The following ERBB4 variants were observed in gnomAD, a reference collection of about 807,000 sequenced individuals.
ERBB4 encodes the protein receptor tyrosine-protein kinase erbB-4.
A neutral mutation model predicts 158.0 loss-of-function variants in ERBB4; 42 were observed. The ratio of observed to expected loss-of-function variants is 0.27; its 90% CI spans 0.21 to 0.34. ERBB4 has a LOEUF of 0.34. Among genes scored for constraint, ERBB4 ranks in the 10% least tolerant of loss-of-function variants. The pLI is 1.00. For synonymous variants in ERBB4, 583 were observed against 558.7 expected, an observed-to-expected ratio of 1.04 and a Z score of -0.61; for missense variants, 1,333 against 1,624.1, an observed-to-expected ratio of 0.82 and a Z score of 3.08.
intron 2 of ERBB4, among the ~76,000 whole-genome samples, chr2:212,080,899 A>C (rs1373527946): frequency 6.6e-6 from 1 of 152,128 alleles, no homozygotes; most frequent in African/African-American, 2.4e-5. Context: ...TAAATCGAAT[A>C]TTATTTCTGG....
intron 3 of ERBB4, among the ~76,000 whole-genome samples, chr2:211,898,061 G>T (rs1470201632): frequency 6.6e-6 from 1 of 151,562 alleles, no homozygotes; most frequent in Non-Finnish European, 1.5e-5. Flanking sequence ...ATTTCACCCA[G>T]GCTGATTTTT....
At chr2:211,894,463 A>G (rs879315023) in intron 3 of ERBB4, among the ~76,000 whole-genome samples, 205 of 147,928 alleles carry the variant, frequency 1.4e-3, no homozygotes, top group Non-Finnish European at 2.6e-3. Flanking sequence ...CTAATGCTAG[A>G]TGACGAGTTA....
At chr2:211,815,526 C>T (rs914612234) in intron 3 of ERBB4, among the ~76,000 whole-genome samples, 4 of 151,888 alleles carry the variant, frequency 2.6e-5, no homozygotes, top group Non-Finnish European at 5.9e-5. Flanking sequence ...TTTTTTTCCC[C>T]ATAGGAATTT....
At chr2:212,365,723 A>G in intron 1 of ERBB4, among the ~76,000 whole-genome samples, 1 of 152,022 alleles carries the variant, frequency 6.6e-6, no homozygotes, top group Non-Finnish European at 1.5e-5. Flanking sequence ...TTCGGTTTAT[A>G]CATATGCTTT....
At chr2:211,900,316 A>C (rs1050107380) in intron 3 of ERBB4, among the ~76,000 whole-genome samples, 3 of 152,042 alleles carry the variant, frequency 2.0e-5, no homozygotes, top group African/African-American at 7.2e-5. Context: ...AATAGCACAG[A>C]TTGAACATTT....
intron 1 of ERBB4, among the ~76,000 whole-genome samples, chr2:212,187,454 T>A (rs1004460726): frequency 1.8e-4 from 21 of 115,736 alleles, no homozygotes; most frequent in Non-Finnish European, 3.2e-4. Flanking sequence ...TAAATAAAGA[T>A]GTTAATCTTC....
At chr2:212,414,514 A>C (rs1290150561) in intron 1 of ERBB4, among the ~76,000 whole-genome samples, 1 of 152,140 alleles carries the variant, frequency 6.6e-6, no homozygotes, top group African/African-American at 2.4e-5. Context: ...GTTTCATTCT[A>C]AAATCTCAGG....
intron 1 of ERBB4, among the ~76,000 whole-genome samples, chr2:212,288,346 CTCTA>C (rs1186901385): frequency 1.3e-5 from 2 of 152,040 alleles, no homozygotes; most frequent in African/African-American, 2.4e-5. Flanking sequence ...ATTACGAGGG[CTCTA>C]TCTAAGGAAA....
rs780602131 is a variant in ERBB4 at position 212,538,446 on chromosome 2, C to T, written c.82+3G>A. 17 of 1,613,726 alleles carry T rather than the reference C, an allele frequency of 1.1e-5. No individual in the cohort carries two copies. The highest frequency in any genetic ancestry group is 1.4e-5 in the Non-Finnish European group (17 of 1,179,804). On this transcript the variant is annotated splice_donor_region_variant and intron_variant, in intron 1 of 27. Transcript: ENST00000342788. ...GGCGACCGGAGTGCCAGAAGGAACC[C>T]ACCTGACTGAGAATCGCTGGGCTGG... is the stretch of plus-strand genomic sequence containing the variant.
At chr2:212,179,342 C>CTA (rs5838303) in intron 1 of ERBB4, among the ~76,000 whole-genome samples, 17 of 145,992 alleles carry the variant, frequency 1.2e-4, no homozygotes, top group Admixed American at 9.6e-4. Context: ...ACATTGAGAG[C>CTA]TTTTTTTTTT....
chr2:212,482,839 G>A (rs1278244355), intron 1 of ERBB4, among the ~76,000 whole-genome samples: 1 of 152,122 alleles, frequency 6.6e-6, no homozygotes, highest in Admixed American at 6.6e-5. Context: ...GGCCAGGATG[G>A]CCTCGATCTC....
intron 3 of ERBB4, among the ~76,000 whole-genome samples, chr2:211,837,675 T>A (rs947698462): frequency 7.9e-5 from 12 of 152,058 alleles, no homozygotes; most frequent in Non-Finnish European, 1.0e-4. Context: ...AGTCTCCACA[T>A]CTTTAAAAAT....
At chr2:212,007,127 T>G (rs2076277817) in intron 2 of ERBB4, among the ~76,000 whole-genome samples, 1 of 152,036 alleles carries the variant, frequency 6.6e-6, no homozygotes, top group African/African-American at 2.4e-5. Flanking sequence ...TTGGTTATAT[T>G]ATTTGTATTA....
At chr2:212,231,826 C>T (rs1361895710) in intron 1 of ERBB4, among the ~76,000 whole-genome samples, 2 of 152,108 alleles carry the variant, frequency 1.3e-5, no homozygotes. Flanking sequence ...TGCTTTGGTT[C>T]ATTTTTCTAC....
chr2:211,599,500 A>C (rs2068733671), intron 19 of ERBB4, among the ~76,000 whole-genome samples: 1 of 12,470 alleles, frequency 8.0e-5, no homozygotes, highest in South Asian at 2.2e-3. Context: ...AGGCTCACAG[A>C]AAATAATTTC....
At chr2:212,487,297 A>AC (rs138123063) in intron 1 of ERBB4, among the ~76,000 whole-genome samples, 1 of 151,950 alleles carries the variant, frequency 6.6e-6, no homozygotes, top group African/African-American at 2.4e-5. Flanking sequence ...TATACCAAAT[A>AC]ATTTTTCCAT....
At chr2:211,649,802 C>A (rs1175792078) in intron 16 of ERBB4, among the ~76,000 whole-genome samples, 1 of 151,868 alleles carries the variant, frequency 6.6e-6, no homozygotes. Flanking sequence ...CCTTATCATT[C>A]ATTCTTTAGT....
chr2:211,736,664 C>T (rs1402436760), intron 5 of ERBB4, among the ~76,000 whole-genome samples: 3 of 152,092 alleles, frequency 2.0e-5, no homozygotes, highest in African/African-American at 7.2e-5. Context: ...AAAATCACTG[C>T]ACAATACAGC....
At chr2:212,439,062 ACT>A (rs1244105831) in intron 1 of ERBB4, among the ~76,000 whole-genome samples, 2 of 152,156 alleles carry the variant, frequency 1.3e-5, no homozygotes, top group African/African-American at 4.8e-5. Context: ...CAATAATCAC[ACT>A]GTTAGAAAGT....
Sources: gnomAD v4.1 joint callset for allele counts (sites outside exome capture counted in the v4.1 genomes callset) on GRCh38, gnomAD v4.1.1 for gene constraint, MANE v1.5 for transcripts, NCBI Gene and HGNC (gene_info 2026-07-23, HGNC 2026-07-21) for gene names.